ZFHX3: variants seen among roughly 807,000 people sequenced by gnomAD.
The protein encoded by ZFHX3 is zinc finger homeobox protein 3.
In ZFHX3, 42 loss-of-function variants were observed where a neutral mutation model predicts 279.1. The observed-to-expected ratio is 0.15, with a 90% CI of 0.12 to 0.19. ZFHX3 has a LOEUF of 0.19. Among genes scored for constraint, ZFHX3 ranks in the 10% least tolerant of loss-of-function variants. The probability of loss-of-function intolerance (pLI) is 1.00; values close to 1 mark genes in which losing one functional copy is unlikely to be tolerated. For synonymous variants in ZFHX3, 2,293 were observed against 1,957.8 expected (o/e 1.17, Z -4.52); for missense variants, 4,981 against 4,754.0 (o/e 1.05, Z -1.40).
At chr16:73,336,394 C>G (rs1203680812) in intron 3 of ZFHX3, among the ~76,000 whole-genome samples, 4 of 119,172 alleles carry the variant, frequency 3.4e-5, no homozygotes, top group Middle Eastern at 5.7e-3. Context: ...TCCCACCCCC[C>G]ACCCTCAGGG....
chr16:73,450,285 C>T (rs2018261870), intron 3 of ZFHX3, among the ~76,000 whole-genome samples: 1 of 152,096 alleles, frequency 6.6e-6, no homozygotes, highest in African/African-American at 2.4e-5. Flanking sequence ...ATCTTTTATT[C>T]TCTGTATCTG....
At chr16:73,765,075 T>C (rs1291165899) in intron 1 of ZFHX3, among the ~76,000 whole-genome samples, 1 of 152,246 alleles carries the variant, frequency 6.6e-6, no homozygotes, top group Non-Finnish European at 1.5e-5. Flanking sequence ...TGTCTGCCTT[T>C]CGTTTCCTTC....
At position 73,460,479 on chromosome 16, in the gene ZFHX3, G is replaced by C. The variant is rs547917796; in HGVS notation, c.-1546-4221C>G. On this transcript the variant is annotated intron_variant, in intron 2 of 17. Transcript: ENST00000641206. ...ACAAATTTCCATAAATGATCTTTGTGGTATAAATATCCAGGAGTGCAGTTG... is the reference window on the plus strand; with the variant it reads ...ACAAATTTCCATAAATGATCTTTGTCGTATAAATATCCAGGAGTGCAGTTG... Among the ~76,000 whole-genome samples, 4 of 152,196 alleles carry C rather than the reference G, an allele frequency of 2.6e-5. No homozygotes were observed. The East Asian group carries it at 7.7e-4, about 29-fold the overall frequency.
At chr16:73,862,009 C>A (rs988071318) in intron 1 of ZFHX3, among the ~76,000 whole-genome samples, 1 of 152,160 alleles carries the variant, frequency 6.6e-6, no homozygotes, top group Admixed American at 6.5e-5. Flanking sequence ...GTTAACTACC[C>A]ACCTTCCCAA....
intron 3 of ZFHX3, among the ~76,000 whole-genome samples, chr16:73,376,107 G>C (rs2016718602): frequency 6.6e-6 from 1 of 152,082 alleles, no homozygotes; most frequent in South Asian, 2.1e-4. Context: ...TCCACTACAG[G>C]TAACTTTAAG....
chr16:73,356,858 T>C (rs919322558), intron 3 of ZFHX3, among the ~76,000 whole-genome samples: 7 of 151,058 alleles, frequency 4.6e-5, no homozygotes, highest in African/African-American at 1.7e-4. Context: ...TTTTTCTTCC[T>C]GGCCATGGGA....
At chr16:73,272,367 G>A (rs2014170236) in intron 4 of ZFHX3, among the ~76,000 whole-genome samples, 1 of 152,120 alleles carries the variant, frequency 6.6e-6, no homozygotes, top group African/African-American at 2.4e-5. Context: ...AGACCTGTTA[G>A]TCTGAAAAAC....
chr16:73,496,123 T>A (rs1242304429), intron 2 of ZFHX3, among the ~76,000 whole-genome samples: 1 of 152,192 alleles, frequency 6.6e-6, no homozygotes, highest in Non-Finnish European at 1.5e-5. Context: ...AGGTGCTGCA[T>A]CCATAAACTC....
At chr16:73,886,729 A>G (rs2030358188) in intron 1 of ZFHX3, among the ~76,000 whole-genome samples, 1 of 152,240 alleles carries the variant, frequency 6.6e-6, no homozygotes. Context: ...ATGCAAAGCC[A>G]CACAAAATAA....
chr16:73,463,132 T>C (rs981997677), intron 2 of ZFHX3, among the ~76,000 whole-genome samples: 1 of 152,230 alleles, frequency 6.6e-6, no homozygotes, highest in African/African-American at 2.4e-5. Context: ...ATACTCATAG[T>C]TTCTGCTTCC....
chr16:73,483,051 C>G (rs999737646), intron 2 of ZFHX3, among the ~76,000 whole-genome samples: 3 of 152,204 alleles, frequency 2.0e-5, no homozygotes, highest in Non-Finnish European at 4.4e-5. Flanking sequence ...CCTCCGCTCC[C>G]TCTTCCCCCT....
chr16:73,436,181 C>T (rs1246066976), intron 3 of ZFHX3, among the ~76,000 whole-genome samples: 1 of 152,104 alleles, frequency 6.6e-6, no homozygotes, highest in Non-Finnish European at 1.5e-5. Context: ...AATAGCTGGC[C>T]ATGGTGGCAC....
At chr16:73,122,951 C>T (rs1445093793) in intron 7 of ZFHX3, among the ~76,000 whole-genome samples, 1 of 152,058 alleles carries the variant, frequency 6.6e-6, no homozygotes, top group Non-Finnish European at 1.5e-5. Context: ...AAATTCTGCT[C>T]TAGCCTAATT....
intron 8 of ZFHX3, among the ~76,000 whole-genome samples, chr16:73,078,706 G>A (rs574175357): frequency 6.6e-5 from 10 of 151,116 alleles, no homozygotes; most frequent in Non-Finnish European, 8.8e-5. Flanking sequence ...GTGCAGTGGC[G>A]CAATCTCCAC....
intron 1 of ZFHX3, among the ~76,000 whole-genome samples, chr16:72,987,299 G>A (rs1192521890): frequency 1.3e-5 from 2 of 152,182 alleles, no homozygotes; most frequent in Non-Finnish European, 2.9e-5. Flanking sequence ...TACAGCACTA[G>A]GCCTTCAAAA....
At chr16:72,897,123 A>G (rs2038919105) in intron 3 of ZFHX3, among the ~76,000 whole-genome samples, 1 of 152,220 alleles carries the variant, frequency 6.6e-6, no homozygotes, top group Admixed American at 6.5e-5. Context: ...GGCCAAAGGC[A>G]GGCAGGAGAG....
At position 73,242,325 on chromosome 16, in the gene ZFHX3, T is replaced by C. The variant is rs376383151; in HGVS notation, c.-1104+14722A>G. Among the ~76,000 whole-genome samples the C allele has an allele frequency of 6.6e-5, 10 of 152,230 alleles. No homozygotes were observed. The East Asian group carries it at 1.7e-3, about 27-fold the overall frequency. On this transcript the variant is annotated intron_variant, in intron 5 of 17. Transcript: ENST00000641206. Reference sequence around the variant, plus strand: ...GTGCCTAGATTTCCACTCCAGATCCTCCTTCTACAACTATGAACTGTCTGC... The same window carrying C: ...GTGCCTAGATTTCCACTCCAGATCCCCCTTCTACAACTATGAACTGTCTGC...
At chr16:73,095,429 A>AT (rs1966149129) in intron 7 of ZFHX3, among the ~76,000 whole-genome samples, 1 of 152,080 alleles carries the variant, frequency 6.6e-6, no homozygotes, top group South Asian at 2.1e-4. Flanking sequence ...ATAACCTTCC[A>AT]TTTTGGGACT....
intron 8 of ZFHX3, among the ~76,000 whole-genome samples, chr16:73,080,025 G>A (rs1306398010): frequency 6.6e-6 from 1 of 152,130 alleles, no homozygotes; most frequent in Non-Finnish European, 1.5e-5. Context: ...GCTAGGAACT[G>A]CCAGTTTCTT....
Sources: gnomAD v4.1 joint callset for allele counts (sites outside exome capture counted in the v4.1 genomes callset) on GRCh38, gnomAD v4.1.1 for gene constraint, MANE v1.5 for transcripts, NCBI Gene and HGNC (gene_info 2026-07-23, HGNC 2026-07-21) for gene names.